ANAPC4: variants seen among roughly 807,000 people sequenced by gnomAD.
ANAPC4 encodes anaphase-promoting complex subunit 4.
Under a neutral mutation model 119.8 loss-of-function variants are expected in ANAPC4, and 63 were observed. The ratio of observed to expected loss-of-function variants is 0.53; its 90% confidence interval spans 0.43 to 0.65. The LOEUF (loss-of-function observed/expected upper bound fraction) is 0.65, where lower values mean the gene tolerates loss of function less well. Ranked by LOEUF, ANAPC4 falls within the 30% of genes least tolerant of loss-of-function variation. The pLI, the probability that ANAPC4 is intolerant of heterozygous loss-of-function variation, is 0.00. For missense variants in ANAPC4, 716 were observed against 945.1 expected, an observed-to-expected ratio of 0.76 and a Z score of 3.18; for synonymous variants, 283 against 318.6, an observed-to-expected ratio of 0.89 and a Z score of 1.19.
chr4:25,392,374 G>A lies in ANAPC4; in HGVS notation c.742G>A (p.Val248Ile). The A allele has an allele frequency of 3.7e-6, 6 of 1,613,386 alleles. No homozygotes were observed. The highest frequency in any genetic ancestry group is 5.1e-6 in the Non-Finnish European group (6 of 1,179,390). Residue 248 changes from valine (V) to isoleucine (I), a missense_variant, in exon 10 of 29, where the codon GTA becomes ATA. Physicochemically the swap from Val to Ile is conservative, Grantham distance 29. This residue lies in a region of ANAPC4 where 202 missense variants were observed against 293.5 expected (regional missense o/e 0.69). Transcript: ENST00000315368. ...TNLLYSFLPE[V>I]TRMARKFTHI... Reference sequence around the variant, plus strand: ...TCTGTTGTACTCTTTCTTACCTGAAGTAACTCGGATGGCCAGAAAGTTTAC... The same window carrying A: ...TCTGTTGTACTCTTTCTTACCTGAAATAACTCGGATGGCCAGAAAGTTTAC...
At chr4:25,392,687 G>T (rs1722416187) in intron 10 of ANAPC4, among the ~76,000 whole-genome samples, 1 of 121,074 alleles carries the variant, frequency 8.3e-6, no homozygotes, top group South Asian at 2.4e-4. Flanking sequence ...ATAAAGTATT[G>T]TGGGAAAAAC....
chr4:25,403,660 T>G (rs949653209), intron 17 of ANAPC4, among the ~76,000 whole-genome samples: 6 of 152,224 alleles, frequency 3.9e-5, no homozygotes, highest in Non-Finnish European at 7.4e-5. Flanking sequence ...ATGTGGCTAT[T>G]TAAGTGGATT....
At chr4:25,402,460 A>G (rs1324199702) in intron 16 of ANAPC4, among the ~76,000 whole-genome samples, 1 of 152,222 alleles carries the variant, frequency 6.6e-6, no homozygotes, top group Non-Finnish European at 1.5e-5. Flanking sequence ...GGGAAATTCA[A>G]CTTTTGAGAT....
intron 4 of ANAPC4, among the ~76,000 whole-genome samples, chr4:25,384,339 G>A (rs1344482825): frequency 6.6e-6 from 1 of 152,154 alleles, no homozygotes; most frequent in Non-Finnish European, 1.5e-5. Context: ...AGTCATCCAT[G>A]AGGGTTGGAA....
In ANAPC4 at chr4:25,390,034, A is replaced by G. The variant is rs111628527; in HGVS notation, c.516-102A>G. 4.0e-5 allele frequency: 30 copies of G among 756,486 alleles called. 1 individual carries two copies. The highest frequency in any genetic ancestry group is 3.0e-4 in the African/African-American group (17 of 56,056). 46.9% of individuals were successfully genotyped at this position (756,486 alleles called of 1,614,324 possible). The stretch of plus-strand genomic sequence containing the variant: ...CTTCCCTCTGCAGGGGAGCTTTAGC[A>G]TGTAGATTATATGAAAGCAGTAATA... On this transcript the variant is annotated intron_variant, in intron 7 of 28. Transcript: ENST00000315368.
At chr4:25,389,685 T>A (rs1722235537) in intron 7 of ANAPC4, among the ~76,000 whole-genome samples, 1 of 152,222 alleles carries the variant, frequency 6.6e-6, no homozygotes, top group Non-Finnish European at 1.5e-5. Flanking sequence ...GAAGTTTTAA[T>A]AATAATATGA....
chr4:25,377,538 G>A lies in ANAPC4; in HGVS notation c.111G>A (p.Leu37=). The stretch of plus-strand genomic sequence containing the variant: ...CGCCCAAGCGGGATCTCATTGCTTT[G>A]GCCAACACAGCTGGCGAGGTGAGTG... ...VWSPKRDLIA[L]ANTAGEVLLH... The change falls in exon 2 of 29, where the codon TTG becomes TTA. Residue 37 remains leucine (L), a synonymous_variant. Coordinates refer to ENST00000315368, the MANE Select transcript of ANAPC4 (RefSeq NM_013367.3). 1 of 1,612,676 alleles carries A rather than the reference G, an allele frequency of 6.2e-7. No homozygotes were observed.
chr4:25,406,856 G>A lies in ANAPC4; in HGVS notation c.1345G>A (p.Ala449Thr). Residue 449 changes from alanine (A) to threonine (T), a missense_variant, in exon 19 of 29, where the codon GCT (alanine) becomes ACT (threonine). By Grantham distance (58) the Ala-to-Thr change is moderately conservative. Coordinates refer to ENST00000315368, the MANE Select transcript of ANAPC4 (RefSeq NM_013367.3). ...GACTCAGAAAGATATCACATTTGTT[G>A]CTGAATTTCTTACTGAACATTTCAA... ...KMTQKDITFV[A>T]EFLTEHFNEA... is the part of the protein sequence containing the mutation. 1 of 1,603,116 alleles carries A rather than the reference G, an allele frequency of 6.2e-7. No homozygotes were observed. Among genetic ancestry groups the A allele is most frequent in the Non-Finnish European group, 8.5e-7 (1 of 1,176,012 alleles).
At position 25,416,581 on chromosome 4, in the gene ANAPC4, T is replaced by A. The variant is rs752700130; in HGVS notation, c.2058T>A (p.Thr686=). ...NSEDSAEYQF[T]GTYSTRLDEQ... ...AAGATTCTGCAGAATATCAGTTCAC[T>A]GGGACTTATTCTACAAGGTAACTAG... The change falls in exon 27 of 29, where the codon ACT becomes ACA. Residue 686 remains threonine, a synonymous_variant. Transcript: ENST00000315368. 2 of 1,551,830 alleles carry A rather than the reference T, an allele frequency of 1.3e-6. No individual in the cohort carries two copies. Among genetic ancestry groups the A allele is most frequent in the African/African-American group, 1.4e-5 (1 of 73,554 alleles).
In ANAPC4 at chr4:25,409,786, T is replaced by G. The variant is rs1445772382; in HGVS notation, c.1520T>G (p.Leu507Arg). Residue 507 changes from leucine (L) to arginine (R), a missense_variant, in exon 21 of 29, where the codon CTT becomes CGT. Transcript: ENST00000315368. ...WYDFLQNSSH[L>R]KESPLLFPYY... ...GACTTTCTTCAAAATAGCAGCCACC[T>G]TAAAGGTACTTCATGAACCAACCAG... is the stretch of plus-strand genomic sequence containing the variant. 3.1e-6 allele frequency: 5 copies of G among 1,612,506 alleles called. No homozygotes were observed. The highest frequency in any genetic ancestry group is 4.2e-6 in the Non-Finnish European group (5 of 1,178,822).
chr4:25,378,251 G>T (rs1721517455), intron 2 of ANAPC4, among the ~76,000 whole-genome samples: 1 of 152,192 alleles, frequency 6.6e-6, no homozygotes, highest in Non-Finnish European at 1.5e-5. Flanking sequence ...CAGCCATTTT[G>T]TAAGGAAACC....
intron 2 of ANAPC4, 113 bp from the exon 3 acceptor site, chr4:25,380,261 C>T (rs929081289): frequency 3.4e-6 from 2 of 596,242 alleles, no homozygotes; most frequent in Non-Finnish European, 5.8e-6. Context: ...CTTCTGATAG[C>T]TAAGTATATA....
intron 4 of ANAPC4, among the ~76,000 whole-genome samples, chr4:25,383,878 G>A (rs914729426): frequency 2.6e-5 from 4 of 152,128 alleles, no homozygotes; most frequent in African/African-American, 9.7e-5. Flanking sequence ...GACTGATCAG[G>A]GTGGTGGCAG....
At chr4:25,395,242 ATATT>A (rs138599242) in intron 14 of ANAPC4, 5,251 of 168,850 alleles carry the variant, frequency 0.031, 297 homozygotes, top group African/African-American at 0.12. Context: ...AGAATATTGT[ATATT>A]TATTTATTTA....
In ANAPC4 at chr4:25,390,189, A is replaced by G; in HGVS notation, c.569A>G (p.Tyr190Cys). 6.2e-7 allele frequency: 1 copy of G among 1,612,958 alleles called. No homozygotes were observed. Among genetic ancestry groups the G allele is most frequent in the Non-Finnish European group, 8.5e-7 (1 of 1,179,456 alleles). The change falls in exon 8 of 29, where the codon TAT (tyrosine) becomes TGT (cysteine). Residue 190 changes from tyrosine (Y) to cysteine (C), a missense_variant. Transcript: ENST00000315368. The part of the protein sequence containing the change: ...GSSGFIELYA[Y>C]GMFKIARVTG... ...TCTGGATTTATTGAGCTTTATGCTTATGGAATGTTTAAAATTGCTCGAGTC... is the reference window on the plus strand; with the variant it reads ...TCTGGATTTATTGAGCTTTATGCTTGTGGAATGTTTAAAATTGCTCGAGTC...
In ANAPC4 at chr4:25,392,361, T is replaced by C. The variant is rs1364146901; in HGVS notation, c.729T>C (p.Ser243=). 5.6e-6 allele frequency: 9 copies of C among 1,613,116 alleles called. No homozygotes were observed. The highest frequency in any genetic ancestry group is 7.6e-6 in the Non-Finnish European group (9 of 1,179,226). ...AGCTTGAAACTAATCTGTTGTACTC[T>C]TTCTTACCTGAAGTAACTCGGATGG... is the stretch of plus-strand genomic sequence containing the variant. ...YFQLETNLLY[S]FLPEVTRMAR... The change falls in exon 10 of 29, where the codon TCT becomes TCC. Residue 243 remains serine, a synonymous_variant. Transcript: ENST00000315368.
chr4:25,382,121 TTC>T (rs151028078), intron 3 of ANAPC4, among the ~76,000 whole-genome samples: 100,801 of 151,562 alleles, frequency 0.67, 33,775 homozygotes, highest in Admixed American at 0.7. Context: ...TTTCTTTTTT[TTC>T]CCCCCCCTCA....
intron 9 of ANAPC4, among the ~76,000 whole-genome samples, chr4:25,391,648 A>T (rs1211304127): frequency 6.6e-6 from 1 of 152,232 alleles, no homozygotes; most frequent in African/African-American, 2.4e-5. Flanking sequence ...GAGTATTTAG[A>T]TCATAGCCTT....
intron 3 of ANAPC4, 78 bp from the exon 4 acceptor site, chr4:25,383,183 C>G: frequency 1.5e-6 from 2 of 1,341,138 alleles, no homozygotes; most frequent in Non-Finnish European, 2.0e-6. Context: ...AAGAGTAAAA[C>G]TGGGCAATAA....
Sources: gnomAD v4.1 joint callset for allele counts (sites outside exome capture counted in the v4.1 genomes callset) on GRCh38, gnomAD v4.1.1 for gene constraint, gnomAD v4.1.1 regional missense constraint, MANE v1.5 for transcripts, NCBI Gene and HGNC (gene_info 2026-07-23, HGNC 2026-07-21) for gene names.